BIN2: variants seen among roughly 807,000 people sequenced by gnomAD.
BIN2 encodes breast cancer associated protein BRAP1.
A neutral mutation model predicts 67.9 loss-of-function variants in BIN2; 43 were observed. The ratio of observed to expected loss-of-function variants is 0.63; its 90% CI spans 0.50 to 0.82. The LOEUF (loss-of-function observed/expected upper bound fraction) is 0.82. Among genes scored for constraint, BIN2 ranks in the 40% least tolerant of loss-of-function variants. BIN2 has a pLI of 0.00. For missense variants in BIN2, 581 were observed against 671.6 expected (o/e 0.87, Z 1.49); for synonymous variants, 244 against 246.8 (o/e 0.99, Z 0.11).
Position 51,321,463 on chromosome 12 carries a change from G to A in BIN2, c.81+2559C>T, listed in dbSNP as rs141028913. On this transcript the variant is annotated intron_variant, in intron 1 of 12. Transcript: ENST00000615107. ...TGCACAAGTTGGAGTGCAATGGCGC[G>A]ATCTCGGCTCACGGCAACCTCCGCC... Among the ~76,000 whole-genome samples, 6 of 151,500 alleles carry A rather than the reference G, an allele frequency of 4.0e-5. No homozygotes were observed. The East Asian group carries it at 5.8e-4, about 15-fold the overall frequency.
intron 2 of BIN2, among the ~76,000 whole-genome samples, chr12:51,313,061 T>C (rs930023584): frequency 1.3e-5 from 2 of 151,976 alleles, no homozygotes; most frequent in African/African-American, 4.8e-5. Flanking sequence ...GGTGAAACCC[T>C]GTCTGTACTA....
chr12:51,305,394 G>T (rs1007492079), intron 2 of BIN2, among the ~76,000 whole-genome samples: 9 of 152,078 alleles, frequency 5.9e-5, no homozygotes, highest in African/African-American at 2.2e-4. Flanking sequence ...GGGATGCCAA[G>T]GCAGGAGGAT....
At position 51,299,553 on chromosome 12, in the gene BIN2, G is replaced by T. The variant is rs897449285; in HGVS notation, c.516+54C>A. On this transcript the variant is annotated intron_variant, in intron 6 of 12. Coordinates refer to ENST00000615107, the MANE Select transcript of BIN2 (RefSeq NM_016293.4). ...GGCCCAGCCACCTGCTACCACCATG[G>T]GGAGAAGGAGAACAGGAAGGGTTTA... The T allele has an allele frequency of 1.1e-5, 17 of 1,536,706 alleles. No homozygotes were observed. The African/African-American group carries it at 2.2e-4, about 20-fold the overall frequency.
chr12:51,310,744 C>T (rs542798598), intron 2 of BIN2, among the ~76,000 whole-genome samples: 9 of 152,088 alleles, frequency 5.9e-5, no homozygotes, highest in African/African-American at 1.7e-4. Context: ...AAATCATAAT[C>T]GTTTTGTTTA....
chr12:51,323,889 G>T, intron 1 of BIN2, 133 bp downstream of exon 1: 1 of 1,081,000 alleles, frequency 9.3e-7, no homozygotes, highest in Non-Finnish European at 1.3e-6. Context: ...CCCTGGGAGA[G>T]CGGGAGACCC....
chr12:51,305,928 G>A (rs1945856718), intron 2 of BIN2, among the ~76,000 whole-genome samples: 1 of 149,108 alleles, frequency 6.7e-6, no homozygotes, highest in Non-Finnish European at 1.5e-5. Context: ...CCGCCTCCTG[G>A]GTTCAAGCGA....
upstream of BIN2, chr12:51,324,627 A>C: frequency 8.1e-7 from 1 of 1,229,914 alleles, no homozygotes; most frequent in African/African-American, 1.6e-5. Flanking sequence ...GAGTGCAGAA[A>C]GCAGGCAGGA....
intron 9 of BIN2, among the ~76,000 whole-genome samples, chr12:51,294,158 G>A (rs546828968): frequency 6.6e-6 from 1 of 152,302 alleles, no homozygotes; most frequent in South Asian, 2.1e-4. Flanking sequence ...AAAGGAAACA[G>A]CAGAGCTATT....
intron 10 of BIN2, 39 bp from the exon 11 acceptor site, chr12:51,288,227 A>G (rs2137347451): frequency 6.5e-7 from 1 of 1,548,932 alleles, no homozygotes; most frequent in East Asian, 2.2e-5. Context: ...AGAGTCCCAC[A>G]CCTTCCACCT....
Position 51,302,736 on chromosome 12 carries a change from TCTC to T in BIN2, c.259_261del (p.Glu87del). 6.2e-7 allele frequency: 1 copy of T among 1,614,110 alleles called. No homozygotes were observed. The highest frequency in any genetic ancestry group is 8.5e-7 in the Non-Finnish European group (1 of 1,179,986). On this transcript the variant is annotated inframe_deletion, in exon 4 of 13. Transcript: ENST00000615107. Reference sequence around the variant, plus strand: ...TGACCGTCCCACTCGCTGCTGTAGATCTCCTGCAGGGTTTCTGACACTCTTTTT... The same window carrying T: ...TGACCGTCCCACTCGCTGCTGTAGATCTGCAGGGTTTCTGACACTCTTTTT...
chr12:51,295,243 GC>G (rs1387286672), intron 9 of BIN2, among the ~76,000 whole-genome samples: 1 of 151,672 alleles, frequency 6.6e-6, no homozygotes, highest in African/African-American at 2.4e-5. Context: ...CCATTGTCTG[GC>G]CTTGAAATAT....
At chr12:51,318,763 CTTGAG>C (rs1342299192) in intron 1 of BIN2, among the ~76,000 whole-genome samples, 1 of 152,164 alleles carries the variant, frequency 6.6e-6, no homozygotes, top group Non-Finnish European at 1.5e-5. Context: ...TATTTATCTC[CTTGAG>C]TTGTCAGGAG....
At chr12:51,286,753 C>T (rs1246804566) in intron 11 of BIN2, among the ~76,000 whole-genome samples, 1 of 152,204 alleles carries the variant, frequency 6.6e-6, no homozygotes, top group Admixed American at 6.5e-5. Flanking sequence ...CTCCACATGT[C>T]CTGCCTATCT....
At chr12:51,307,746 A>G (rs1013113043) in intron 2 of BIN2, among the ~76,000 whole-genome samples, 2 of 152,138 alleles carry the variant, frequency 1.3e-5, no homozygotes, top group African/African-American at 4.8e-5. Flanking sequence ...AATTTGTACA[A>G]ATAAAGTTCC....
intron 2 of BIN2, among the ~76,000 whole-genome samples, chr12:51,308,441 G>A (rs139662414): frequency 6.6e-6 from 1 of 152,270 alleles, no homozygotes; most frequent in African/African-American, 2.4e-5. Context: ...ACTCACACCA[G>A]AAGCTTGTCC....
intron 2 of BIN2, among the ~76,000 whole-genome samples, chr12:51,310,778 T>C (rs980800969): frequency 1.5e-4 from 23 of 152,278 alleles, no homozygotes; most frequent in African/African-American, 5.1e-4. Flanking sequence ...TCCTTTTTTT[T>C]GAGATAGGGT....
chr12:51,301,324 A>C (rs1247378488), intron 5 of BIN2, among the ~76,000 whole-genome samples: 1 of 152,128 alleles, frequency 6.6e-6, no homozygotes, highest in Non-Finnish European at 1.5e-5. Context: ...GAATAGGTTG[A>C]ATTCCTATTT....
chr12:51,284,788 C>T lies in BIN2; in HGVS notation c.1597-1G>A. 6.2e-7 allele frequency: 1 copy of T among 1,612,334 alleles called. No homozygotes were observed. Among genetic ancestry groups the T allele is most frequent in the Non-Finnish European group, 8.5e-7 (1 of 1,178,466 alleles). ...TGGAGACTTGAAGCTGGTCTTGGCC[C>T]TACAAAGAGAAGAGTTCTGCCAGTA... is the stretch of plus-strand genomic sequence containing the variant. On this transcript the variant is annotated splice_acceptor_variant, in intron 11 of 12. Coordinates refer to ENST00000615107, the MANE Select transcript of BIN2 (RefSeq NM_016293.4). LOFTEE classifies it high-confidence loss of function.
intron 12 of BIN2, among the ~76,000 whole-genome samples, chr12:51,282,699 G>A (rs1462525336): frequency 3.9e-5 from 6 of 152,042 alleles, no homozygotes; most frequent in African/African-American, 1.4e-4. Context: ...GGGTTCAAGT[G>A]ATTCTCATGT....
Sources: gnomAD v4.1 joint callset for allele counts (sites outside exome capture counted in the v4.1 genomes callset) on GRCh38, gnomAD v4.1.1 for gene constraint, MANE v1.5 for transcripts, NCBI Gene and HGNC (gene_info 2026-07-23, HGNC 2026-07-21) for gene names.